The following SLC39A11 variants were observed in gnomAD, a reference collection of about 807,000 sequenced individuals.
SLC39A11 encodes the protein zinc transporter ZIP11.
In SLC39A11, 33 loss-of-function variants were observed where a neutral mutation model predicts 36.1. The observed-to-expected ratio is 0.91, with a 90% confidence interval of 0.69 to 1.22. The LOEUF (loss-of-function observed/expected upper bound fraction) is 1.22, where lower values mean the gene tolerates loss of function less well. Ranked by LOEUF, SLC39A11 falls within the 50% of genes most tolerant of loss-of-function variation. The pLI is 0.00. For missense variants in SLC39A11, 432 were observed against 430.3 expected (o/e 1.00, Z -0.03); for synonymous variants, 166 against 170.3 (o/e 0.97, Z 0.20).
chr17:72,655,549 T>C (rs926905688), intron 7 of SLC39A11, among the ~76,000 whole-genome samples: 2 of 152,152 alleles, frequency 1.3e-5, no homozygotes, highest in Non-Finnish European at 2.9e-5. Context: ...CCTAAGCAGG[T>C]GTCAGAGGAG....
intron 7 of SLC39A11, among the ~76,000 whole-genome samples, chr17:72,689,691 C>T (rs2071928566): frequency 1.3e-5 from 2 of 152,070 alleles, no homozygotes; most frequent in South Asian, 4.1e-4. Context: ...CAGCCAGACA[C>T]GAACGGTCAC....
chr17:72,842,509 T>C (rs565516121), intron 6 of SLC39A11, among the ~76,000 whole-genome samples: 1 of 152,308 alleles, frequency 6.6e-6, no homozygotes, highest in Non-Finnish European at 1.5e-5. Context: ...AAGGTACTCA[T>C]GATAAGTGAT....
intron 7 of SLC39A11, among the ~76,000 whole-genome samples, chr17:72,654,639 C>G (rs1007567569): frequency 6.6e-6 from 1 of 152,216 alleles, no homozygotes; most frequent in South Asian, 2.1e-4. Context: ...TGAATACAAC[C>G]AGCTTCCTTG....
chr17:72,703,743 C>G (rs2072759211), intron 7 of SLC39A11, among the ~76,000 whole-genome samples: 1 of 152,224 alleles, frequency 6.6e-6, no homozygotes, highest in Admixed American at 6.5e-5. Context: ...AGATGTTTAG[C>G]TATCTTCTAT....
chr17:72,757,638 G>C (rs2075406604), intron 6 of SLC39A11, among the ~76,000 whole-genome samples: 1 of 148,198 alleles, frequency 6.7e-6, no homozygotes, highest in Non-Finnish European at 1.5e-5. Context: ...TTCTCTGTCT[G>C]GCACATTTTT....
chr17:72,969,110 C>T (rs1013910673), intron 4 of SLC39A11, among the ~76,000 whole-genome samples: 4 of 152,178 alleles, frequency 2.6e-5, no homozygotes, highest in African/African-American at 4.8e-5. Flanking sequence ...AGGAGTCACA[C>T]TGCCCTCAGG....
intron 4 of SLC39A11, among the ~76,000 whole-genome samples, chr17:72,963,316 G>A (rs1468657020): frequency 1.3e-5 from 2 of 151,538 alleles, no homozygotes; most frequent in African/African-American, 2.4e-5. Flanking sequence ...GACTACAGGC[G>A]CCCGCCACCA....
intron 7 of SLC39A11, among the ~76,000 whole-genome samples, chr17:72,692,691 TG>T (rs2072092232): frequency 6.6e-6 from 1 of 152,176 alleles, no homozygotes; most frequent in Admixed American, 6.5e-5. Flanking sequence ...GAGATTTGAA[TG>T]GGGACACAGC....
At chr17:73,040,862 G>A (rs773181212) in intron 3 of SLC39A11, among the ~76,000 whole-genome samples, 47 of 151,830 alleles carry the variant, frequency 3.1e-4, no homozygotes, top group Non-Finnish European at 5.9e-4. Flanking sequence ...ATGCACTCCT[G>A]TAGTCCCAGC....
chr17:73,090,394 T>A (rs2060885720), intron 1 of SLC39A11, among the ~76,000 whole-genome samples: 1 of 151,906 alleles, frequency 6.6e-6, no homozygotes, highest in Non-Finnish European at 1.5e-5. Context: ...ACCACGCCAA[T>A]TAAAGAAAAA....
chr17:72,913,913 T>C (rs2083174085), intron 5 of SLC39A11, among the ~76,000 whole-genome samples: 1 of 151,512 alleles, frequency 6.6e-6, no homozygotes, highest in South Asian at 2.1e-4. Flanking sequence ...ATCAGAAAGT[T>C]AAAATATGCA....
chr17:72,959,325 G>GTATATATATA (rs1186282631), intron 4 of SLC39A11, among the ~76,000 whole-genome samples: 52 of 65,530 alleles, frequency 7.9e-4, no homozygotes, highest in Admixed American at 1.1e-3. Context: ...GTGTGTGTGT[G>GTATATATATA]TATATATATA....
chr17:73,067,900 A>C, intron 3 of SLC39A11: 1 of 1,608,358 alleles, frequency 6.2e-7, no homozygotes, highest in African/African-American at 1.3e-5. Flanking sequence ...AGTAATGTAA[A>C]ACCAGTTTAC....
chr17:72,990,771 C>T (rs899091790), intron 4 of SLC39A11, among the ~76,000 whole-genome samples: 1 of 150,044 alleles, frequency 6.7e-6, no homozygotes, highest in African/African-American at 2.5e-5. Context: ...AACACACACA[C>T]ATCTACACTA....
At chr17:72,852,029 T>C (rs934346164) in intron 5 of SLC39A11, among the ~76,000 whole-genome samples, 6 of 151,088 alleles carry the variant, frequency 4.0e-5, no homozygotes, top group African/African-American at 1.5e-4. Flanking sequence ...GGTGAAACCC[T>C]ATCTCTACTA....
intron 7 of SLC39A11, among the ~76,000 whole-genome samples, chr17:72,710,692 A>G (rs1331212354): frequency 6.6e-6 from 1 of 152,148 alleles, no homozygotes; most frequent in Admixed American, 6.5e-5. Context: ...GACAATCTCC[A>G]CCTTATAAAT....
At position 72,860,403 on chromosome 17, in the gene SLC39A11, G is replaced by C. The variant is rs1289733961; in HGVS notation, c.431-10599C>G. Among the ~76,000 whole-genome samples, 3 of 152,318 alleles carry C rather than the reference G, an allele frequency of 2.0e-5. No homozygotes were observed. In the East Asian group the frequency reaches 5.8e-4, roughly 29 times the overall value. ...TCATTCTGTGTGTGTATGTGTGCGA[G>C]ACAGAATATACACATGTATGTGCCC... On this transcript the variant is annotated intron_variant, in intron 5 of 9. Transcript: ENST00000255559.
At chr17:72,972,644 T>C (rs941695834) in intron 4 of SLC39A11, among the ~76,000 whole-genome samples, 39 of 152,110 alleles carry the variant, frequency 2.6e-4, no homozygotes, top group African/African-American at 8.7e-4. Context: ...AAAAGGTCAC[T>C]GTTTCTAAGT....
At chr17:72,979,370 C>T (rs1003304187) in intron 4 of SLC39A11, among the ~76,000 whole-genome samples, 1 of 150,408 alleles carries the variant, frequency 6.6e-6, no homozygotes, top group Admixed American at 6.6e-5. Context: ...AATACAGGGG[C>T]TATGTAAGTG....
Sources: gnomAD v4.1 joint callset for allele counts (sites outside exome capture counted in the v4.1 genomes callset) on GRCh38, gnomAD v4.1.1 for gene constraint, MANE v1.5 for transcripts, NCBI Gene and HGNC (gene_info 2026-07-23, HGNC 2026-07-21) for gene names.